The following CEP85 variants were observed in gnomAD, a reference collection of about 807,000 sequenced individuals.
The protein encoded by CEP85 is centrosomal protein 85, also known as centrosomal protein of 85 kDa.
A neutral mutation model predicts 93.7 loss-of-function variants in CEP85; 58 were observed. That is an observed-to-expected ratio of 0.62 (90% confidence interval 0.50 to 0.77). CEP85 has a LOEUF of 0.77. Among genes scored for constraint, CEP85 ranks in the 30% least tolerant of loss-of-function variants. The probability of loss-of-function intolerance (pLI) is 0.00; values close to 1 mark genes in which losing one functional copy is unlikely to be tolerated. For synonymous variants in CEP85, 314 were observed against 338.6 expected, an observed-to-expected ratio of 0.93 and a Z score of 0.80; for missense variants, 868 against 922.0, an observed-to-expected ratio of 0.94 and a Z score of 0.76.
Position 26,277,307 on chromosome 1 carries a change from A to AT in CEP85, c.*16dup. ...GTCACACAGTGAGGAATTCTGGGGG[A>AT]TTCCCCCAGGGAGGAGCTGGGCTGC... On this transcript the variant is annotated 3_prime_UTR_variant, in exon 14 of 14. Coordinates refer to ENST00000451429, the MANE Select transcript of CEP85 (RefSeq NM_001319944.2). 1.9e-6 allele frequency: 3 copies of AT among 1,605,190 alleles called. No individual in the cohort carries two copies. Among genetic ancestry groups the AT allele is most frequent in the South Asian group, 1.1e-5 (1 of 90,910 alleles).
intron 13 of CEP85, 132 bp downstream of exon 13, chr1:26,276,892 A>G: frequency 1.2e-6 from 1 of 833,702 alleles, no homozygotes; most frequent in South Asian, 1.8e-5. Flanking sequence ...CCCTCTGGAC[A>G]TTTATTTGTT....
chr1:26,235,898 GA>G (rs1249598598), intron 1 of CEP85, among the ~76,000 whole-genome samples: 2 of 152,182 alleles, frequency 1.3e-5, no homozygotes, highest in African/African-American at 4.8e-5. Context: ...TCTTATAGGG[GA>G]AAAATACTTA....
In CEP85 at chr1:26,272,057, C is replaced by T. The variant is rs570676742; in HGVS notation, c.1780C>T (p.Arg594Cys). The change falls in exon 11 of 14, where the codon CGC becomes TGC. Residue 594 changes from arginine (R) to cysteine (C), a missense_variant. By Grantham distance (180) the Arg-to-Cys change is radical. Transcript: ENST00000451429. Reference sequence around the variant, plus strand: ...GCAGCAGCAGAAGATGGATCAGTTGCGCTCACAAGTACAGGTGAGCAGGAA... The same window carrying T: ...GCAGCAGCAGAAGATGGATCAGTTGTGCTCACAAGTACAGGTGAGCAGGAA... ...EKQQQKMDQL[R>C]SQVQSLEQEV... is the part of the protein sequence containing the mutation. 2.4e-5 allele frequency: 38 copies of T among 1,613,856 alleles called. No individual in the cohort carries two copies. Among genetic ancestry groups the T allele is most frequent in the South Asian group, 4.4e-5 (4 of 91,028 alleles).
At chr1:26,274,859 A>G in intron 11 of CEP85, 105 bp from the exon 12 acceptor site, 1 of 787,642 alleles carries the variant, frequency 1.3e-6, no homozygotes, top group Non-Finnish European at 2.1e-6. Context: ...ATGAGGGTGT[A>G]GGTAGGGTGA....
intron 8 of CEP85, 123 bp downstream of exon 8, chr1:26,268,758 T>C (rs1326015596): frequency 2.0e-6 from 2 of 994,060 alleles, no homozygotes; most frequent in Non-Finnish European, 2.9e-6. Context: ...AAAGCAGTCA[T>C]GTCCAGATTC....
chr1:26,277,376 C>T lies in CEP85; in HGVS notation c.*83C>T. On this transcript the variant is annotated 3_prime_UTR_variant, in exon 14 of 14. Transcript: ENST00000451429. ...GGTTTCTGCCCTGACATTCTCTTGT[C>T]TGCTATTCCCAGAGAGGTCTCAGAG... 1 of 1,380,878 alleles carries T rather than the reference C, an allele frequency of 7.2e-7. No homozygotes were observed. The highest frequency in any genetic ancestry group is 1.9e-5 in the Admixed American group (1 of 51,598). 85.5% of individuals were successfully genotyped at this position (1,380,878 alleles called of 1,614,324 possible).
intron 3 of CEP85, among the ~76,000 whole-genome samples, chr1:26,251,257 T>G (rs1274801568): frequency 1.4e-5 from 2 of 146,704 alleles, no homozygotes; most frequent in African/African-American, 5.1e-5. Flanking sequence ...CTTGGTTTTT[T>G]TTTTTTTTTT....
chr1:26,273,697 C>A (rs2090010750), intron 11 of CEP85, among the ~76,000 whole-genome samples: 1 of 152,176 alleles, frequency 6.6e-6, no homozygotes, highest in South Asian at 2.1e-4. Context: ...GAGATTGAGA[C>A]CATCCTGGCT....
chr1:26,262,755 A>G (rs2089831479), intron 7 of CEP85, among the ~76,000 whole-genome samples: 1 of 152,202 alleles, frequency 6.6e-6, no homozygotes, highest in Admixed American at 6.5e-5. Flanking sequence ...CTCCTCATCC[A>G]TGTTGCTCAA....
At chr1:26,252,732 C>T (rs1591467) in intron 3 of CEP85, among the ~76,000 whole-genome samples, 133,446 of 152,132 alleles carry the variant, frequency 0.88, 59,485 homozygotes, top group Non-Finnish European at 0.93. Flanking sequence ...TGTTTTGTTA[C>T]GTGTGTGTGT....
chr1:26,255,697 T>C lies in CEP85; in HGVS notation c.735T>C (p.Ser245=), dbSNP rs770641977. ...FERNGPHSNS[S]GVLPLGLQPA... ...GGAATGGACCACATTCTAATAGCAGTGGGGTCCTCCCTTTGGGACTCCAGC... is the reference window on the plus strand; with the variant it reads ...GGAATGGACCACATTCTAATAGCAGCGGGGTCCTCCCTTTGGGACTCCAGC... The change falls in exon 4 of 14, where the codon AGT becomes AGC. Residue 245 remains serine, a synonymous_variant. Coordinates refer to ENST00000451429, the MANE Select transcript of CEP85 (RefSeq NM_001319944.2). 1 of 1,614,104 alleles carries C rather than the reference T, an allele frequency of 6.2e-7. No individual in the cohort carries two copies. The highest frequency in any genetic ancestry group is 1.1e-5 in the South Asian group (1 of 91,066).
rs551102337 is a variant in CEP85, at chr1:26,274,336, C to T, written c.1795-628C>T. ...AAGACAGGAACTGTTTGGTGTTCTT[C>T]TCAATGCTGGTCACAGTAAGTGCTC... is the stretch of plus-strand genomic sequence containing the variant. On this transcript the variant is annotated intron_variant, in intron 11 of 13. Transcript: ENST00000451429. Among the ~76,000 whole-genome samples, 3 of 152,328 alleles carry T rather than the reference C, an allele frequency of 2.0e-5. No homozygotes were observed. The South Asian group carries it at 6.2e-4, about 32-fold the overall frequency.
Position 26,269,244 on chromosome 1 carries a change from C to T in CEP85, c.1495-216C>T, listed in dbSNP as rs116539144. 1,507 of 553,728 alleles carry T rather than the reference C, an allele frequency of 2.7e-3. 13 individuals are homozygous for T. Among genetic ancestry groups the T allele is most frequent in the African/African-American group, 0.02 (1,088 of 53,078 alleles). 34.3% of individuals were successfully genotyped at this position (553,728 alleles called of 1,614,324 possible). A position where few individuals can be genotyped will look rare whatever the true frequency, so the allele number is the denominator to read the frequency against. On this transcript the variant is annotated intron_variant, in intron 8 of 13. Transcript: ENST00000451429. ...ACGACATAGCAGTAGGGACTACCTG[C>T]GTCAGAAATAAGAACTCCTTCCCCT...
At position 26,259,647 on chromosome 1, in the gene CEP85, G is replaced by A. The variant is rs757867460; in HGVS notation, c.1186G>A (p.Ala396Thr). 41 of 1,611,092 alleles carry A rather than the reference G, an allele frequency of 2.5e-5. No homozygotes were observed. The highest frequency in any genetic ancestry group is 3.3e-5 in the Non-Finnish European group (39 of 1,179,024). ...GCAGCGAGAAAACACTTTCTTACGT[G>A]CACAGTTTGCACAGAAGACAGAAGC... ...ELQRENTFLRAQFAQKTEALS... is the reference protein window; with the variant it reads ...ELQRENTFLRTQFAQKTEALS... The change falls in exon 7 of 14, where the codon GCA (alanine) becomes ACA (threonine). Residue 396 changes from alanine to threonine, a missense_variant. Transcript: ENST00000451429.
chr1:26,239,870 C>T (rs1381540719), intron 2 of CEP85, 32 bp downstream of exon 2: 1 of 1,538,732 alleles, frequency 6.5e-7, no homozygotes. Flanking sequence ...GGGTTAAATT[C>T]TGACCTTTGT....
At chr1:26,237,024 GTGTTAA>G (rs1439727246) in intron 1 of CEP85, among the ~76,000 whole-genome samples, 4 of 152,142 alleles carry the variant, frequency 2.6e-5, no homozygotes, top group Non-Finnish European at 4.4e-5. Flanking sequence ...ACAGACATCT[GTGTTAA>G]TGTTAATGCT....
At chr1:26,250,954 T>TGAGACAGAGTC (rs2089602944) in intron 3 of CEP85, among the ~76,000 whole-genome samples, 1 of 119,476 alleles carries the variant, frequency 8.4e-6, no homozygotes, top group Non-Finnish European at 1.7e-5. Context: ...TTTTTTTTTT[T>TGAGACAGAGTC]TTTTGAGACA....
chr1:26,272,675 C>CTGG (rs1283359227), intron 11 of CEP85, among the ~76,000 whole-genome samples: 2 of 133,832 alleles, frequency 1.5e-5, no homozygotes. Context: ...GTCGCCCAGG[C>CTGG]TGGAGTGCAA....
At chr1:26,256,223 A>G (rs1266717961) in intron 4 of CEP85, among the ~76,000 whole-genome samples, 1 of 152,192 alleles carries the variant, frequency 6.6e-6, no homozygotes, top group African/African-American at 2.4e-5. Context: ...GTACGGGGTC[A>G]TAGAGTTGGT....
Sources: gnomAD v4.1 joint callset for allele counts (sites outside exome capture counted in the v4.1 genomes callset) on GRCh38, gnomAD v4.1.1 for gene constraint, MANE v1.5 for transcripts, NCBI Gene and HGNC (gene_info 2026-07-23, HGNC 2026-07-21) for gene names.